Variants in PTPN13 observed in about 807,000 individuals in gnomAD.
PTPN13 encodes the protein tyrosine-protein phosphatase non-receptor type 13.
A neutral mutation model predicts 284.0 loss-of-function variants in PTPN13; 191 were observed. The observed-to-expected ratio is 0.67, with a 90% confidence interval of 0.60 to 0.76. PTPN13 has a LOEUF of 0.76. Among genes scored for constraint, PTPN13 ranks in the 30% least tolerant of loss-of-function variants. PTPN13 has a pLI of 0.00. For synonymous variants in PTPN13, 986 were observed against 1,022.3 expected, an observed-to-expected ratio of 0.96 and a Z score of 0.68; for missense variants, 2,797 against 2,939.9, an observed-to-expected ratio of 0.95 and a Z score of 1.12.
rs190309813 is a variant in PTPN13, at chr4:86,803,738, G to C, written c.6535G>C (p.Ala2179Pro). ...DHSFLTNDELAVLPVVKVLPS... is the reference protein window; with the variant it reads ...DHSFLTNDELPVLPVVKVLPS... ...TTCCTTTCTGACAAACGATGAGCTCGCTGTACTCCCTGTCGTCAAAGTGCT... is the reference window on the plus strand; with the variant it reads ...TTCCTTTCTGACAAACGATGAGCTCCCTGTACTCCCTGTCGTCAAAGTGCT... Residue 2179 changes from alanine (A) to proline (P), a missense_variant, in exon 43 of 48, where the codon GCT (alanine) becomes CCT (proline). By Grantham distance (27) the Ala-to-Pro change is conservative. Coordinates refer to ENST00000411767, the MANE Select transcript of PTPN13 (RefSeq NM_080683.3). The C allele has an allele frequency of 1.2e-6, 2 of 1,613,660 alleles. No homozygotes were observed. Among genetic ancestry groups the C allele is most frequent in the Non-Finnish European group, 1.7e-6 (2 of 1,179,704 alleles).
chr4:86,706,778 C>T (rs1461378684), intron 7 of PTPN13, among the ~76,000 whole-genome samples: 1 of 152,204 alleles, frequency 6.6e-6, no homozygotes, highest in Non-Finnish European at 1.5e-5. Context: ...TAGTTCTCTA[C>T]ATACGTAAAG....
intron 7 of PTPN13, among the ~76,000 whole-genome samples, chr4:86,706,970 C>T (rs1470253666): frequency 6.6e-6 from 1 of 152,108 alleles, no homozygotes; most frequent in Non-Finnish European, 1.5e-5. Flanking sequence ...TCAACTCCAT[C>T]CCAAGATCTG....
rs909858948 is a variant in PTPN13 at position 86,797,446 on chromosome 4, C to A, written c.6401+517C>A. ...GGTGGATGTTACAGTGAGCCGAGAT[C>A]GCGCCACTGTACTCCAGCCTGAGCA... On this transcript the variant is annotated intron_variant, in intron 41 of 47. Transcript: ENST00000411767. 4.0e-5 allele frequency among the ~76,000 whole-genome samples: 6 copies of A among 151,654 alleles called. No individual in the cohort carries two copies. In the East Asian group the frequency reaches 5.8e-4, roughly 15 times the overall value.
chr4:86,679,588 A>T (rs1234987092), intron 3 of PTPN13, among the ~76,000 whole-genome samples: 1 of 152,246 alleles, frequency 6.6e-6, no homozygotes, highest in East Asian at 1.9e-4. Flanking sequence ...GTTTGAGAAC[A>T]GTTCCTCTAT....
intron 2 of PTPN13, among the ~76,000 whole-genome samples, chr4:86,639,250 AT>A (rs923947306): frequency 3.9e-5 from 6 of 152,124 alleles, no homozygotes; most frequent in African/African-American, 1.4e-4. Flanking sequence ...TAGTTCAACC[AT>A]TGTGGAAGTC....
At chr4:86,637,828 AG>A (rs1301759056) in intron 2 of PTPN13, among the ~76,000 whole-genome samples, 3 of 144,966 alleles carry the variant, frequency 2.1e-5, no homozygotes, top group Non-Finnish European at 3.0e-5. Context: ...AGTTCTGGCC[AG>A]GGCAATTAGG....
At chr4:86,737,347 A>G (rs1034469465) in intron 15 of PTPN13, among the ~76,000 whole-genome samples, 4 of 152,066 alleles carry the variant, frequency 2.6e-5, no homozygotes, top group Non-Finnish European at 2.9e-5. Context: ...AGTCTTGAGA[A>G]CAAGGGTTAG....
At chr4:86,799,310 T>A in intron 42 of PTPN13, 106 bp downstream of exon 42, 1 of 646,420 alleles carries the variant, frequency 1.5e-6, no homozygotes, top group Non-Finnish European at 2.4e-6. Context: ...TATGTATACA[T>A]TATTTGCTTT....
intron 5 of PTPN13, chr4:86,689,897 C>A (rs1323683523): frequency 1.7e-6 from 1 of 578,144 alleles, no homozygotes; most frequent in East Asian, 2.8e-5. Context: ...GGGTTGTAGT[C>A]CTGGAGTGTT....
intron 15 of PTPN13, among the ~76,000 whole-genome samples, chr4:86,736,614 C>A (rs923548764): frequency 6.6e-6 from 1 of 152,096 alleles, no homozygotes; most frequent in Non-Finnish European, 1.5e-5. Flanking sequence ...TGGACTTATA[C>A]TTTTCTTAGT....
rs143096369 is a variant in PTPN13, at chr4:86,721,283, C to A, written c.1386-929C>A. On this transcript the variant is annotated intron_variant, in intron 9 of 47. Transcript: ENST00000411767. The stretch of plus-strand genomic sequence containing the variant: ...CAAGGTCTTATTATTATCTTTGACC[C>A]TCCCCTTAAGTGAGAGAGGGCCATA... Among the ~76,000 whole-genome samples the A allele has an allele frequency of 2.0e-4, 31 of 152,028 alleles. 2 individuals are homozygous for A. In the East Asian group the frequency reaches 3.7e-3, roughly 18 times the overall value.
chr4:86,603,980 A>G (rs1203678462), intron 1 of PTPN13, among the ~76,000 whole-genome samples: 1 of 152,012 alleles, frequency 6.6e-6, no homozygotes, highest in African/African-American at 2.4e-5. Context: ...TTGACCCACT[A>G]TTGAAATACT....
At chr4:86,716,964 A>G (rs1473761166) in intron 8 of PTPN13, 60 bp from the exon 9 acceptor site, 5 of 1,200,958 alleles carry the variant, frequency 4.2e-6, no homozygotes, top group East Asian at 4.9e-5. Flanking sequence ...TGAGTTTTAA[A>G]TGAAATTACT....
intron 10 of PTPN13, among the ~76,000 whole-genome samples, chr4:86,730,811 C>T (rs538204918): frequency 6.6e-6 from 1 of 152,072 alleles, no homozygotes; most frequent in Non-Finnish European, 1.5e-5. Context: ...ATTGCTGCAC[C>T]CACTGTCCAA....
At position 86,635,339 on chromosome 4, in the gene PTPN13, G is replaced by T; in HGVS notation, c.83G>T (p.Ser28Ile). The T allele has an allele frequency of 1.9e-6, 3 of 1,604,122 alleles. No individual in the cohort carries two copies. The highest frequency in any genetic ancestry group is 3.4e-5 in the Admixed American group (2 of 58,572). The change falls in exon 2 of 48, where the codon AGT becomes ATT. Residue 28 changes from serine (S) to isoleucine (I), a missense_variant. By Grantham distance (142) the Ser-to-Ile change is moderately radical (BLOSUM62 -2). Transcript: ENST00000411767. ...GAAATATGGGCTGTATTAAATCAAA[G>T]TGCTGAAAGTCTCCAAGAATTATTC... ...EEEIWAVLNQ[S>I]AESLQELFRK...
At chr4:86,657,595 A>G (rs1483247552) in intron 2 of PTPN13, among the ~76,000 whole-genome samples, 1 of 152,106 alleles carries the variant, frequency 6.6e-6, no homozygotes, top group Non-Finnish European at 1.5e-5. Context: ...GAAGGCTTGC[A>G]GACCAGCACA....
chr4:86,795,605 C>T (rs931629300), intron 40 of PTPN13, among the ~76,000 whole-genome samples: 1 of 152,152 alleles, frequency 6.6e-6, no homozygotes, highest in Non-Finnish European at 1.5e-5. Context: ...TTTATTGCAG[C>T]ACTGTTCACA....
chr4:86,621,756 C>A (rs1721273681), intron 1 of PTPN13, among the ~76,000 whole-genome samples: 1 of 151,942 alleles, frequency 6.6e-6, no homozygotes, highest in South Asian at 2.1e-4. Flanking sequence ...AGTTGGGAAC[C>A]CGTGTGTAGA....
rs775185588 is a variant in PTPN13, at chr4:86,741,672, C to T, written c.2343C>T (p.His781=). 30 of 1,613,576 alleles carry T rather than the reference C, an allele frequency of 1.9e-5. No individual in the cohort carries two copies. The South Asian group carries it at 3.2e-4, about 17-fold the overall frequency. Residue 781 remains histidine (H), a synonymous_variant, in exon 16 of 48, where the codon CAC becomes CAT. Coordinates refer to ENST00000411767, the MANE Select transcript of PTPN13 (RefSeq NM_080683.3). ...QRLTEYGVHF[H]RVHPEKKSQT... is the part of the protein sequence containing the mutation. The stretch of plus-strand genomic sequence containing the variant: ...TGACAGAATATGGAGTTCATTTTCA[C>T]CGAGTGCACCCTGAGAAGAAGTCAC...
Sources: allele counts gnomAD v4.1 joint callset (sites outside exome capture counted in the v4.1 genomes callset), GRCh38; gene constraint gnomAD v4.1.1; transcripts MANE v1.5; gene names NCBI Gene and HGNC (gene_info 2026-07-23, HGNC 2026-07-21).